Variants in ADGRL2 observed in about 807,000 individuals in gnomAD.
ADGRL2 encodes the protein calcium-independent alpha-latrotoxin receptor 2.
In ADGRL2, 44 loss-of-function variants were observed where a neutral mutation model predicts 157.4. That is an observed-to-expected ratio of 0.28 (90% CI 0.22 to 0.36). The LOEUF is 0.36. Ranked by LOEUF, ADGRL2 falls within the 10% of genes least tolerant of loss-of-function variation. The probability of loss-of-function intolerance (pLI) is 1.00; values close to 1 mark genes in which losing one functional copy is unlikely to be tolerated. For synonymous variants in ADGRL2, 585 were observed against 624.7 expected, an observed-to-expected ratio of 0.94 and a Z score of 0.95; for missense variants, 1,510 against 1,768.9, an observed-to-expected ratio of 0.85 and a Z score of 2.63.
At chr1:81,642,886 G>T (rs2082247615) in intron 3 of ADGRL2, among the ~76,000 whole-genome samples, 1 of 152,128 alleles carries the variant, frequency 6.6e-6, no homozygotes, top group Non-Finnish European at 1.5e-5. Flanking sequence ...CCACCAATTT[G>T]TTGTAAAAAT....
chr1:81,439,368 G>C lies in ADGRL2; in HGVS notation c.-301-5668G>C, dbSNP rs367947819. Among the ~76,000 whole-genome samples the C allele has an allele frequency of 2.4e-4, 37 of 152,348 alleles. 1 individual carries two copies. Among genetic ancestry groups the C allele is most frequent in the African/African-American group, 7.5e-4 (31 of 41,600 alleles). ...TGAATCCTGACTCCACCACTTCTGAGCTGTGTGACCTTAGCAACCTTTCTG... is the reference window on the plus strand; with the variant it reads ...TGAATCCTGACTCCACCACTTCTGACCTGTGTGACCTTAGCAACCTTTCTG... On this transcript the variant is annotated intron_variant, in intron 1 of 24. Transcript: ENST00000370721.
intron 3 of ADGRL2, among the ~76,000 whole-genome samples, chr1:81,672,395 C>G (rs1395684026): frequency 6.6e-6 from 1 of 152,232 alleles, no homozygotes; most frequent in Non-Finnish European, 1.5e-5. Context: ...TAACAGTGTC[C>G]TGTGGTATGG....
chr1:81,742,357 A>G (rs544781920), intron 1 of ADGRL2, among the ~76,000 whole-genome samples: 1 of 152,140 alleles, frequency 6.6e-6, no homozygotes, highest in African/African-American at 2.4e-5. Flanking sequence ...TCATATTGCT[A>G]AACTCTTGTA....
chr1:81,838,774 A>G (rs553016092), intron 2 of ADGRL2, among the ~76,000 whole-genome samples: 2 of 152,216 alleles, frequency 1.3e-5, no homozygotes, highest in South Asian at 4.1e-4. Flanking sequence ...GAGTTTTTTC[A>G]TGAGATACTG....
At chr1:81,427,398 G>T in intron 1 of ADGRL2, 1 of 743,746 alleles carries the variant, frequency 1.3e-6, no homozygotes, top group South Asian at 1.4e-5. Flanking sequence ...TATGGTGGTG[G>T]TGGTGGAGGA....
chr1:81,433,096 A>G (rs2077351297), intron 1 of ADGRL2, among the ~76,000 whole-genome samples: 1 of 152,184 alleles, frequency 6.6e-6, no homozygotes, highest in Non-Finnish European at 1.5e-5. Context: ...TTCCCATCCC[A>G]ATATAAATTA....
chr1:81,640,954 T>C (rs918052712), intron 3 of ADGRL2, among the ~76,000 whole-genome samples: 15 of 152,230 alleles, frequency 9.9e-5, no homozygotes, highest in African/African-American at 3.6e-4. Context: ...TATTTTTCTA[T>C]TGTTCTGTCT....
chr1:81,960,827 G>A (rs566275037), intron 11 of ADGRL2, among the ~76,000 whole-genome samples: 2 of 152,190 alleles, frequency 1.3e-5, no homozygotes, highest in African/African-American at 2.4e-5. Context: ...CATCACTTTA[G>A]ACTTAGACTG....
chr1:81,638,216 TA>T (rs1401897716), intron 3 of ADGRL2, among the ~76,000 whole-genome samples: 1 of 151,906 alleles, frequency 6.6e-6, no homozygotes, highest in Admixed American at 6.6e-5. Context: ...GAAAGAGAAA[TA>T]GACTTTCTTT....
intron 1 of ADGRL2, among the ~76,000 whole-genome samples, chr1:81,807,176 T>G (rs1457517119): frequency 6.6e-6 from 1 of 151,996 alleles, no homozygotes; most frequent in East Asian, 1.9e-4. Flanking sequence ...GAAAAGGAGT[T>G]GAAGTTCTGT....
intron 3 of ADGRL2, among the ~76,000 whole-genome samples, chr1:81,671,140 G>A (rs1276888129): frequency 6.6e-6 from 1 of 152,108 alleles, no homozygotes; most frequent in African/African-American, 2.4e-5. Context: ...TAGGAGAAGG[G>A]GCCTCCCAAG....
At chr1:81,742,689 T>A (rs1244868925) in intron 1 of ADGRL2, among the ~76,000 whole-genome samples, 1 of 152,050 alleles carries the variant, frequency 6.6e-6, no homozygotes, top group African/African-American at 2.4e-5. Context: ...TTCCAGCCCC[T>A]AGCGTACTAA....
chr1:81,371,506 C>T (rs2076160142), intron 1 of ADGRL2, among the ~76,000 whole-genome samples: 1 of 152,104 alleles, frequency 6.6e-6, no homozygotes, highest in South Asian at 2.1e-4. Flanking sequence ...TAAATACTTG[C>T]TTTTTGTGAA....
At chr1:81,332,970 T>C (rs1452198415) in intron 1 of ADGRL2, among the ~76,000 whole-genome samples, 1 of 152,174 alleles carries the variant, frequency 6.6e-6, no homozygotes, top group Non-Finnish European at 1.5e-5. Context: ...GTTTATACAC[T>C]AGGAAGTTCA....
chr1:81,531,014 G>A (rs1382142305), intron 2 of ADGRL2, among the ~76,000 whole-genome samples: 2 of 151,526 alleles, frequency 1.3e-5, no homozygotes, highest in Non-Finnish European at 2.9e-5. Flanking sequence ...AACCTGGGAG[G>A]CAGAGGTTGC....
intron 2 of ADGRL2, among the ~76,000 whole-genome samples, chr1:81,903,807 T>A (rs199871813): frequency 7.8e-6 from 1 of 128,756 alleles, no homozygotes; most frequent in Non-Finnish European, 1.7e-5. Context: ...TATACACATT[T>A]TATATACACA....
At chr1:81,754,463 C>A (rs2085603446) in intron 1 of ADGRL2, among the ~76,000 whole-genome samples, 1 of 136,246 alleles carries the variant, frequency 7.3e-6, no homozygotes, top group African/African-American at 2.7e-5. Flanking sequence ...CTCCTCCTCC[C>A]CCTTCTCCCC....
At chr1:81,842,571 T>C (rs529539484) in intron 2 of ADGRL2, among the ~76,000 whole-genome samples, 7 of 152,102 alleles carry the variant, frequency 4.6e-5, no homozygotes, top group Admixed American at 1.3e-4. Context: ...TTGGCCAGGC[T>C]GGTCTCTGAC....
At chr1:81,746,907 C>T (rs1485048987) in intron 1 of ADGRL2, among the ~76,000 whole-genome samples, 5 of 149,588 alleles carry the variant, frequency 3.3e-5, no homozygotes, top group Non-Finnish European at 7.4e-5. Flanking sequence ...TATATACACA[C>T]GTGCACACGT....
Sources: allele counts gnomAD v4.1 joint callset (sites outside exome capture counted in the v4.1 genomes callset), GRCh38; gene constraint gnomAD v4.1.1; transcripts MANE v1.5; gene names NCBI Gene and HGNC (gene_info 2026-07-23, HGNC 2026-07-21).